The following TFCP2L1 variants were observed in gnomAD, a reference collection of about 807,000 sequenced individuals.
TFCP2L1 encodes the protein transcription factor CP2 like 1, also known as transcription factor CP2-like protein 1.
TFCP2L1 carries 12 observed loss-of-function variants against 72.2 expected under a neutral mutation model. The ratio of observed to expected loss-of-function variants is 0.17; its 90% CI spans 0.11 to 0.27. TFCP2L1 has a LOEUF of 0.27. Ranked by LOEUF, TFCP2L1 falls within the 10% of genes least tolerant of loss-of-function variation. The pLI, the probability that TFCP2L1 is intolerant of heterozygous loss-of-function variation, is 1.00. For synonymous variants in TFCP2L1, 260 were observed against 251.0 expected, an observed-to-expected ratio of 1.04 and a Z score of -0.34; for missense variants, 488 against 624.6, an observed-to-expected ratio of 0.78 and a Z score of 2.33.
chr2:121,247,068 T>C, intron 5 of TFCP2L1, 98 bp from the exon 6 acceptor site: 1 of 1,457,258 alleles, frequency 6.9e-7, no homozygotes, highest in Non-Finnish European at 9.4e-7. Flanking sequence ...CCTTCCCTGC[T>C]TGGTCAGTGC....
intron 2 of TFCP2L1, among the ~76,000 whole-genome samples, chr2:121,277,894 C>T (rs1461150775): frequency 6.6e-6 from 1 of 152,068 alleles, no homozygotes; most frequent in Non-Finnish European, 1.5e-5. Context: ...AATTGTCTTC[C>T]TTTTGCTTTT....
At chr2:121,240,953 C>T (rs2104687209) in intron 7 of TFCP2L1, among the ~76,000 whole-genome samples, 1 of 152,336 alleles carries the variant, frequency 6.6e-6, no homozygotes, top group African/African-American at 2.4e-5. Flanking sequence ...CACACACATA[C>T]ACACATACAG....
chr2:121,230,003 G>A (rs1686108076), intron 13 of TFCP2L1, among the ~76,000 whole-genome samples: 2 of 152,140 alleles, frequency 1.3e-5, no homozygotes, highest in African/African-American at 4.8e-5. Flanking sequence ...TACTGGCCTT[G>A]TGTCCTACCA....
intron 2 of TFCP2L1, among the ~76,000 whole-genome samples, chr2:121,272,975 C>A (rs1687075282): frequency 6.6e-6 from 1 of 152,122 alleles, no homozygotes; most frequent in Non-Finnish European, 1.5e-5. Context: ...GTGTTTGAAA[C>A]CCTCATCATC....
At position 121,281,127 on chromosome 2, in the gene TFCP2L1, G is replaced by A. The variant is rs1233131149; in HGVS notation, c.207C>T (p.Leu69=). 9 of 1,613,906 alleles carry A rather than the reference G, an allele frequency of 5.6e-6. No homozygotes were observed. Among genetic ancestry groups the A allele is most frequent in the Non-Finnish European group, 5.9e-6 (7 of 1,180,050 alleles). Residue 69 remains leucine (L), a synonymous_variant, in exon 2 of 15, where the codon CTC becomes CTT. Coordinates refer to ENST00000263707, the MANE Select transcript of TFCP2L1 (RefSeq NM_014553.3). ...GGGGCCTCTGGCCACTACCTTGGTT[G>A]AGGTAGGTCAGCGTCTCTTCATGCA... ...VKLHEETLTY[L]NQGQSYEIRL... is the part of the protein sequence containing the mutation.
Position 121,218,322 on chromosome 2 carries a change from C to G in TFCP2L1, c.*6019G>C, listed in dbSNP as rs1410068414. ...TTTTTTTGTGATGGGGGAGAAAACA[C>G]TTCATTGGGTTCAAAGATAATATTC... On this transcript the variant is annotated 3_prime_UTR_variant, in exon 15 of 15. Transcript: ENST00000263707. 1 of 151,968 alleles carries G rather than the reference C, an allele frequency of 6.6e-6. No homozygotes were observed. The highest frequency in any genetic ancestry group is 1.5e-5 in the Non-Finnish European group (1 of 68,006). 9.4% of individuals were successfully genotyped at this position (151,968 alleles called of 1,614,324 possible).
In TFCP2L1 at chr2:121,217,982, T is replaced by C. The variant is rs1289156778; in HGVS notation, c.*6359A>G. Reference sequence around the variant, plus strand: ...GCAGGGTTAATGCAGAAACCGCTCATCTGAATGCTTCCCCTGCTTCCAAGC... The same window carrying C: ...GCAGGGTTAATGCAGAAACCGCTCACCTGAATGCTTCCCCTGCTTCCAAGC... On this transcript the variant is annotated 3_prime_UTR_variant, in exon 15 of 15. Coordinates refer to ENST00000263707, the MANE Select transcript of TFCP2L1 (RefSeq NM_014553.3). 2 of 152,332 alleles carry C rather than the reference T, an allele frequency of 1.3e-5. No individual in the cohort carries two copies. Among genetic ancestry groups the C allele is most frequent in the East Asian group, 1.9e-4 (1 of 5,180 alleles). The allele number at this position is 152,332 out of a possible 1,614,324, so 9.4% of individuals were successfully genotyped here.
At chr2:121,234,217 A>T in intron 11 of TFCP2L1, 23 bp from the exon 12 acceptor site, 1 of 1,605,492 alleles carries the variant, frequency 6.2e-7, no homozygotes, top group Non-Finnish European at 8.5e-7. Flanking sequence ...GAGAAAATAA[A>T]TAATAGGTGT....
intron 12 of TFCP2L1, 143 bp from the exon 13 acceptor site, chr2:121,232,111 T>G (rs553086344): frequency 2.7e-5 from 2 of 75,440 alleles, no homozygotes; most frequent in South Asian, 2.6e-4. Flanking sequence ...CCACTCTTTT[T>G]GTTTTGTTTT....
At chr2:121,281,413 C>T (rs1687259421) in intron 1 of TFCP2L1, 142 bp from the exon 2 acceptor site, 1 of 863,006 alleles carries the variant, frequency 1.2e-6, no homozygotes, top group Admixed American at 3.0e-5. Context: ...GGCTGCACTC[C>T]TGCAACCCTC....
chr2:121,271,592 C>CTAATCCTTTGCCTCATTCCTTAAAT (rs1285833665), intron 2 of TFCP2L1, among the ~76,000 whole-genome samples: 9 of 152,100 alleles, frequency 5.9e-5, no homozygotes, highest in Non-Finnish European at 1.2e-4. Context: ...AACAAAATAA[C>CTAATCCTTTGCCTCATTCCTTAAAT]TAATCCTTTG....
At chr2:121,233,164 C>G (rs1409939907) in intron 12 of TFCP2L1, among the ~76,000 whole-genome samples, 2 of 152,100 alleles carry the variant, frequency 1.3e-5, no homozygotes, top group Non-Finnish European at 2.9e-5. Flanking sequence ...CAAAAACATA[C>G]AAGAATTAGC....
In TFCP2L1 at chr2:121,242,389, CT is replaced by C; in HGVS notation, c.737del (p.Gln246ArgfsTer22). 6.2e-7 allele frequency: 1 copy of C among 1,614,222 alleles called. No homozygotes were observed. The highest frequency in any genetic ancestry group is 8.5e-7 in the Non-Finnish European group (1 of 1,180,040). ...TGAGGATGGTGGTTTCATAGGACGG[CT>C]GGTATTTCTCCTTCTCTTGGGCAGT... is the stretch of plus-strand genomic sequence containing the variant. ...KRTAQEKEKY[Q>X]PSYETTILTE... On this transcript the variant is annotated frameshift_variant, in exon 7 of 15. Transcript: ENST00000263707. LOFTEE classifies it high-confidence loss of function.
intron 2 of TFCP2L1, among the ~76,000 whole-genome samples, chr2:121,255,952 C>T (rs1288573490): frequency 6.6e-6 from 1 of 152,090 alleles, no homozygotes; most frequent in Non-Finnish European, 1.5e-5. Flanking sequence ...CCATGTTAGC[C>T]AGGATGGTCT....
At position 121,216,702 on chromosome 2, in the gene TFCP2L1, C is replaced by A. The variant is rs1173896817; in HGVS notation, c.*7639G>T. The A allele has an allele frequency of 6.6e-6, 1 of 152,178 alleles. No individual in the cohort carries two copies. Among genetic ancestry groups the A allele is most frequent in the Non-Finnish European group, 1.5e-5 (1 of 68,050 alleles). The allele number at this position is 152,178 out of a possible 1,614,324, so 9.4% of individuals were successfully genotyped here. On this transcript the variant is annotated 3_prime_UTR_variant, in exon 15 of 15. Coordinates refer to ENST00000263707, the MANE Select transcript of TFCP2L1 (RefSeq NM_014553.3). ...TGCAAAATATGCTTTATTTCAGGTACAAAAACATGGCAGTAGGACAACTTT... is the reference window on the plus strand; with the variant it reads ...TGCAAAATATGCTTTATTTCAGGTAAAAAAACATGGCAGTAGGACAACTTT...
chr2:121,231,890 G>A lies in TFCP2L1; in HGVS notation c.1277C>T (p.Pro426Leu). 6.2e-7 allele frequency: 1 copy of A among 1,613,698 alleles called. No homozygotes were observed. The highest frequency in any genetic ancestry group is 1.1e-5 in the South Asian group (1 of 91,034). Residue 426 changes from proline to leucine, a missense_variant, in exon 13 of 15, where the codon CCC becomes CTC. This residue lies in a region of TFCP2L1 where 286 missense variants were observed against 329.0 expected (regional missense o/e 0.87). Transcript: ENST00000263707. ...CCGGTAGACTCGGTGGATGTGCTGG[G>A]GGGAGATGCTGTACAGGTTGGCGAT... ...EKIANLYSIS[P>L]QHIHRVYRQG...
At position 121,231,845 on chromosome 2, in the gene TFCP2L1, T is replaced by G; in HGVS notation, c.1322A>C (p.His441Pro). The G allele has an allele frequency of 6.2e-7, 1 of 1,612,918 alleles. No homozygotes were observed. Among genetic ancestry groups the G allele is most frequent in the Non-Finnish European group, 8.5e-7 (1 of 1,179,426 alleles). ...CCTCACCTCGTTGCTCACCACCACA[T>G]GGATGCCCGTGGGGCCCTGCCGGTA... ...RVYRQGPTGI[H>P]VVVSNEMVQN... The change falls in exon 13 of 15, where the codon CAT becomes CCT. Residue 441 changes from histidine to proline, a missense_variant. Physicochemically the swap from His to Pro is moderately conservative, Grantham distance 77 (BLOSUM62 -2). This residue lies in a region of TFCP2L1 where 286 missense variants were observed against 329.0 expected (regional missense o/e 0.87). Transcript: ENST00000263707.
intron 2 of TFCP2L1, among the ~76,000 whole-genome samples, chr2:121,265,386 G>T (rs140403100): frequency 6.6e-6 from 1 of 152,170 alleles, no homozygotes; most frequent in Non-Finnish European, 1.5e-5. Context: ...TCTAAAATTA[G>T]TTGTGATGGC....
intron 13 of TFCP2L1, among the ~76,000 whole-genome samples, chr2:121,228,321 A>C (rs1313286488): frequency 6.6e-6 from 1 of 152,158 alleles, no homozygotes; most frequent in East Asian, 1.9e-4. Flanking sequence ...TTCATTTTGG[A>C]ATGCAAAGTG....
Sources: allele counts gnomAD v4.1 joint callset (sites outside exome capture counted in the v4.1 genomes callset), GRCh38; gene constraint gnomAD v4.1.1; regional missense constraint gnomAD v4.1.1; transcripts MANE v1.5; gene names NCBI Gene and HGNC (gene_info 2026-07-23, HGNC 2026-07-21).